Variants in ADD2 observed in about 807,000 individuals in gnomAD.
The protein encoded by ADD2 is beta-adducin.
A neutral mutation model predicts 83.0 loss-of-function variants in ADD2; 23 were observed. The observed-to-expected ratio is 0.28, with a 90% CI of 0.20 to 0.39. The LOEUF is 0.39. Among genes scored for constraint, ADD2 ranks in the 10% least tolerant of loss-of-function variants. The pLI, the probability that ADD2 is intolerant of heterozygous loss-of-function variation, is 1.00. For missense variants in ADD2, 758 were observed against 944.9 expected, an observed-to-expected ratio of 0.80 and a Z score of 2.59; for synonymous variants, 375 against 375.4, an observed-to-expected ratio of 1.00 and a Z score of 0.01.
At chr2:70,704,263 T>TGCCCCCCCCC in intron 4 of ADD2, 58 bp downstream of exon 4, 132 of 913,206 alleles carry the variant, frequency 1.4e-4, no homozygotes, top group East Asian at 2.1e-4. Context: ...CTCCCTCTCT[T>TGCCCCCCCCC]CCCCACCCCA....
intron 2 of ADD2, among the ~76,000 whole-genome samples, chr2:70,710,669 C>G (rs1291561152): frequency 1.3e-5 from 2 of 152,230 alleles, no homozygotes; most frequent in Non-Finnish European, 2.9e-5. Flanking sequence ...GACTCTGGAA[C>G]AAGACTACCT....
chr2:70,718,552 G>A (rs542088715), intron 1 of ADD2, among the ~76,000 whole-genome samples: 1 of 152,368 alleles, frequency 6.6e-6, no homozygotes, highest in East Asian at 1.9e-4. Context: ...AAGGGAGACT[G>A]GAAACCTTGG....
In ADD2 at chr2:70,692,555, G is replaced by T; in HGVS notation, c.556-3C>A. The T allele has an allele frequency of 1.3e-6, 2 of 1,595,106 alleles. No homozygotes were observed. Among genetic ancestry groups the T allele is most frequent in the Non-Finnish European group, 1.7e-6 (2 of 1,171,532 alleles). ...TCTCCCAGAATGTTCACCTTGATCTGCGCCAGGGAAGAAGAGAGACTTATG... is the reference window on the plus strand; with the variant it reads ...TCTCCCAGAATGTTCACCTTGATCTTCGCCAGGGAAGAAGAGAGACTTATG... On this transcript the variant is annotated splice_polypyrimidine_tract_variant and splice_region_variant and intron_variant, in intron 6 of 15. Transcript: ENST00000264436.
chr2:70,659,515 T>C lies in ADD2; in HGVS notation c.*3910A>G, dbSNP rs1553364655. On this transcript the variant is annotated 3_prime_UTR_variant, in exon 16 of 16. Transcript: ENST00000264436. The stretch of plus-strand genomic sequence containing the variant: ...GTGCTTTACAGTGGGGTTCTTACTG[T>C]AAGAACTTACTGCTCTTCATCCAAT... 6.6e-6 allele frequency: 1 copy of C among 152,246 alleles called. No homozygotes were observed. 9.4% of individuals were successfully genotyped at this position (152,246 alleles called of 1,614,324 possible).
At chr2:70,703,891 T>A (rs1671744362) in intron 4 of ADD2, among the ~76,000 whole-genome samples, 1 of 152,174 alleles carries the variant, frequency 6.6e-6, no homozygotes, top group South Asian at 2.1e-4. Context: ...GTAATAATCT[T>A]ATTGAGGGGG....
At chr2:70,686,566 G>C (rs1472526632) in intron 9 of ADD2, among the ~76,000 whole-genome samples, 1 of 152,184 alleles carries the variant, frequency 6.6e-6, no homozygotes, top group Non-Finnish European at 1.5e-5. Flanking sequence ...TCTTTGCAGA[G>C]ATGATGTTTT....
At chr2:70,727,925 AAATAAAT>A (rs1673092600) in intron 1 of ADD2, among the ~76,000 whole-genome samples, 3 of 150,774 alleles carry the variant, frequency 2.0e-5, no homozygotes, top group African/African-American at 7.4e-5. Context: ...ATAAATAAAT[AAATAAAT>A]AAAATGCAGA....
At chr2:70,719,435 G>A (rs550270733) in intron 1 of ADD2, among the ~76,000 whole-genome samples, 4 of 152,308 alleles carry the variant, frequency 2.6e-5, no homozygotes, top group Admixed American at 2.0e-4. Context: ...TCACCAGGGG[G>A]TCCTAACCTC....
intron 1 of ADD2, among the ~76,000 whole-genome samples, chr2:70,745,674 C>T (rs1037930287): frequency 1.3e-5 from 2 of 152,212 alleles, no homozygotes; most frequent in Admixed American, 6.5e-5. Context: ...CAGTAGATTG[C>T]TTGCCCCTCT....
chr2:70,671,645 A>G (rs1553367058), intron 15 of ADD2, among the ~76,000 whole-genome samples: 1 of 152,236 alleles, frequency 6.6e-6, no homozygotes, highest in African/African-American at 2.4e-5. Flanking sequence ...GACATTGTGG[A>G]GACAGGTTGA....
intron 1 of ADD2, among the ~76,000 whole-genome samples, chr2:70,731,370 AC>A (rs1673273361): frequency 6.6e-6 from 1 of 152,212 alleles, no homozygotes; most frequent in Admixed American, 6.5e-5. Flanking sequence ...GAAGGCTGAC[AC>A]TAAAGTATGG....
chr2:70,719,155 G>A (rs1230490081), intron 1 of ADD2, among the ~76,000 whole-genome samples: 2 of 152,210 alleles, frequency 1.3e-5, no homozygotes, highest in Non-Finnish European at 2.9e-5. Flanking sequence ...AGTGGTGACA[G>A]CTGGTGGTGG....
intron 1 of ADD2, among the ~76,000 whole-genome samples, chr2:70,766,872 G>T (rs1675409941): frequency 6.6e-6 from 1 of 152,200 alleles, no homozygotes; most frequent in African/African-American, 2.4e-5. Context: ...GGAAACAGAT[G>T]GGTATTAATC....
chr2:70,721,060 A>C (rs375628480), intron 1 of ADD2, among the ~76,000 whole-genome samples: 16 of 152,342 alleles, frequency 1.1e-4, no homozygotes, highest in African/African-American at 3.1e-4. Flanking sequence ...GCAGGTCACC[A>C]ACCCTGAAAA....
intron 1 of ADD2, among the ~76,000 whole-genome samples, chr2:70,766,755 C>A (rs1675403683): frequency 6.6e-6 from 1 of 152,094 alleles, no homozygotes; most frequent in South Asian, 2.1e-4. Context: ...TCGGGAAGCA[C>A]GAAATGTGCA....
Position 70,674,794 on chromosome 2 carries a change from T to C in ADD2, c.1625A>G (p.Asp542Gly), listed in dbSNP as rs1670053727. ...CTCTGAATCGTCTTTGGTATCCTCG[T>C]CTCCCTTGGACATCAGCTGGCTCTC... ...STESQLMSKG[D>G]EDTKDDSEET... The change falls in exon 14 of 16, where the codon GAC (aspartate) becomes GGC (glycine). Residue 542 changes from aspartate to glycine, a missense_variant. Physicochemically the swap from Asp to Gly is moderately conservative, Grantham distance 94. This residue lies in a region of ADD2 where 394 missense variants were observed against 509.3 expected (regional missense o/e 0.77). Coordinates refer to ENST00000264436, the MANE Select transcript of ADD2 (RefSeq NM_001617.4). 1.2e-6 allele frequency: 2 copies of C among 1,613,996 alleles called. No homozygotes were observed. The highest frequency in any genetic ancestry group is 2.7e-5 in the African/African-American group (2 of 74,918).
chr2:70,707,403 A>G (rs1671959927), intron 2 of ADD2, among the ~76,000 whole-genome samples: 1 of 152,262 alleles, frequency 6.6e-6, no homozygotes, highest in Non-Finnish European at 1.5e-5. Context: ...CAGCCTCTGG[A>G]AAGTCAAGCT....
At chr2:70,709,036 C>G (rs1438321887) in intron 2 of ADD2, among the ~76,000 whole-genome samples, 1 of 152,174 alleles carries the variant, frequency 6.6e-6, no homozygotes, top group Admixed American at 6.5e-5. Flanking sequence ...CTCCCAAGTT[C>G]CTGAATCATG....
At chr2:70,699,015 T>C (rs75282547) in intron 4 of ADD2, among the ~76,000 whole-genome samples, 3,967 of 152,146 alleles carry the variant, frequency 0.026, 171 homozygotes, top group African/African-American at 0.09. Context: ...TCAGATATCC[T>C]GGATGTGTAC....
Sources: gnomAD v4.1 joint callset for allele counts (sites outside exome capture counted in the v4.1 genomes callset) on GRCh38, gnomAD v4.1.1 for gene constraint, gnomAD v4.1.1 regional missense constraint, MANE v1.5 for transcripts, NCBI Gene and HGNC (gene_info 2026-07-23, HGNC 2026-07-21) for gene names.